Variants in CCDC187 observed in about 807,000 individuals in gnomAD.
CCDC187 encodes coiled-coil domain-containing protein 187.
In CCDC187, 32 loss-of-function variants were observed where a neutral mutation model predicts 38.0. The observed-to-expected ratio is 0.84, with a 90% CI of 0.64 to 1.13. The LOEUF is 1.13. Ranked by LOEUF, CCDC187 falls within the 50% of genes most tolerant of loss-of-function variation. The probability of loss-of-function intolerance (pLI) is 0.00; values close to 1 mark genes in which losing one functional copy is unlikely to be tolerated. For synonymous variants in CCDC187, 333 were observed against 347.9 expected (o/e 0.96, Z 0.48); for missense variants, 707 against 786.8 (o/e 0.90, Z 1.21).
In CCDC187 at chr9:136,293,242, CTCACAT is replaced by C. The variant is rs1201462908; in HGVS notation, c.833-953_833-948del. On this transcript the variant is annotated intron_variant, in intron 4 of 25. Coordinates refer to ENST00000638797, the MANE Select transcript of CCDC187 (RefSeq NM_001378188.1). ...ACACACTCACACTCACACGCTCACA[CTCACAT>C]GCTTACACACTCACTCATGCTTTCA... Among the ~76,000 whole-genome samples the C allele has an allele frequency of 2.7e-5, 4 of 145,984 alleles. 1 individual carries two copies. Among genetic ancestry groups the C allele is most frequent in the Admixed American group, 6.7e-5 (1 of 14,874 alleles).
chr9:136,278,857 G>A (rs1830982995), intron 10 of CCDC187, among the ~76,000 whole-genome samples: 1 of 152,252 alleles, frequency 6.6e-6, no homozygotes, highest in African/African-American at 2.4e-5. Context: ...ACATTTCATG[G>A]CTTGACAGCC....
intron 7 of CCDC187, among the ~76,000 whole-genome samples, 194 bp from the exon 8 acceptor site, chr9:136,286,889 G>A (rs1831195491): frequency 6.6e-6 from 1 of 152,238 alleles, no homozygotes; most frequent in Admixed American, 6.5e-5. Flanking sequence ...AACAGGGCCA[G>A]GCGTGAGCGA....
intron 2 of CCDC187, among the ~76,000 whole-genome samples, chr9:136,301,834 C>T (rs1048241729): frequency 3.3e-5 from 5 of 151,994 alleles, no homozygotes; most frequent in African/African-American, 7.2e-5. Context: ...GTGATCTGCC[C>T]GCCTCAGCTT....
rs1181707760 is a variant in CCDC187, at chr9:136,300,078, T to TC, written c.724+141dup. 1,779 of 395,534 alleles carry TC rather than the reference T, an allele frequency of 4.5e-3. 20 individuals are homozygous for TC. Among genetic ancestry groups the TC allele is most frequent in the Middle Eastern group, 0.024 (38 of 1,578 alleles). The allele number at this position is 395,534 out of a possible 1,614,324, so 24.5% of individuals were successfully genotyped here. ...CAGAGAATGGCAGTCTGGCTCCAAA[T>TC]CCCCCCTTGGCCTCTTTCCAGTTGG... On this transcript the variant is annotated intron_variant, in intron 3 of 25. Coordinates refer to ENST00000638797, the MANE Select transcript of CCDC187 (RefSeq NM_001378188.1).
At chr9:136,271,541 TGAA>T (rs1426047647) in intron 14 of CCDC187, among the ~76,000 whole-genome samples, 1 of 150,218 alleles carries the variant, frequency 6.7e-6, no homozygotes, top group African/African-American at 2.5e-5. Flanking sequence ...AATTAAAAAA[TGAA>T]GAATAACAAT....
At chr9:136,259,082 G>T in intron 21 of CCDC187, 81 bp from the exon 22 acceptor site, 1 of 947,586 alleles carries the variant, frequency 1.1e-6, no homozygotes, top group Non-Finnish European at 1.3e-6. Flanking sequence ...CAGGATGGAT[G>T]GGGACAGATG....
upstream of CCDC187, chr9:136,306,831 TGG>T (rs1201128670): frequency 6.6e-6 from 1 of 152,144 alleles, no homozygotes; most frequent in African/African-American, 2.4e-5. Context: ...CCAGCAACGG[TGG>T]GGCCCAGAGG....
intron 14 of CCDC187, among the ~76,000 whole-genome samples, chr9:136,274,384 TG>T (rs1830891515): frequency 6.6e-6 from 1 of 152,176 alleles, no homozygotes; most frequent in Non-Finnish European, 1.5e-5. Context: ...CAAGGCTGGG[TG>T]GGTGGAGATG....
Position 136,303,067 on chromosome 9 carries a change from C to A in CCDC187, c.370G>T (p.Gly124Cys), listed in dbSNP as rs1253077453. The A allele has an allele frequency of 2.5e-6, 1 of 398,566 alleles. No homozygotes were observed. Among genetic ancestry groups the A allele is most frequent in the Non-Finnish European group, 4.4e-6 (1 of 226,108 alleles). The allele number at this position is 398,566 out of a possible 1,614,324, so 24.7% of individuals were successfully genotyped here. The change falls in exon 2 of 26, where the codon GGC (glycine) becomes TGC (cysteine). Residue 124 changes from glycine (G) to cysteine (C), a missense_variant. Physicochemically the swap from Gly to Cys is radical, Grantham distance 159. Coordinates refer to ENST00000638797, the MANE Select transcript of CCDC187 (RefSeq NM_001378188.1). ...TTCCAAGACACACACACGTCGTGGC[C>A]CCCCGAAGAGCACGAGAGGCGGCCC... ...SSGRLSCSSG[G>C]HDVCVSWKER...
chr9:136,286,284 G>C lies in CCDC187; in HGVS notation c.2634C>G (p.Pro878=), dbSNP rs1352168361. 1 of 398,548 alleles carries C rather than the reference G, an allele frequency of 2.5e-6. No homozygotes were observed. The highest frequency in any genetic ancestry group is 4.4e-6 in the Non-Finnish European group (1 of 226,114). The allele number at this position is 398,548 out of a possible 1,614,324, so 24.7% of individuals were successfully genotyped here. A position where few individuals can be genotyped will look rare whatever the true frequency, so the allele number is the denominator to read the frequency against. Residue 878 remains proline, a synonymous_variant, in exon 8 of 26, where the codon CCC becomes CCG. Transcript: ENST00000638797. Reference sequence around the variant, plus strand: ...CAGGGCAGGCTGGGGTGGCAAGCGTGGGGGTGGCGAGCGTGGGGGCGGCAG... The same window carrying C: ...CAGGGCAGGCTGGGGTGGCAAGCGTCGGGGTGGCGAGCGTGGGGGCGGCAG... ...SLPAAPTLAT[P]TLATPACPGA...
At position 136,292,267 on chromosome 9, in the gene CCDC187, C is replaced by G. The variant is rs1831351154; in HGVS notation, c.861G>C (p.Trp287Cys). ...EDSELVGVYA[W>C]RKGQALVRSL... ...ACCTCACCAGAGCTTGTCCCTTTCT[C>G]CAGGCGTAAACACCAACCAGCTCCG... Residue 287 changes from tryptophan (W) to cysteine (C), a missense_variant, in exon 5 of 26, where the codon TGG becomes TGC. Trp to Cys is a radical substitution (Grantham distance 215). Coordinates refer to ENST00000638797, the MANE Select transcript of CCDC187 (RefSeq NM_001378188.1). 2.5e-6 allele frequency: 1 copy of G among 398,790 alleles called. No individual in the cohort carries two copies. Among genetic ancestry groups the G allele is most frequent in the Non-Finnish European group, 4.4e-6 (1 of 226,178 alleles). The allele number at this position is 398,790 out of a possible 1,614,324, so 24.7% of individuals were successfully genotyped here. A position where few individuals can be genotyped will look rare whatever the true frequency, so the allele number is the denominator to read the frequency against.
chr9:136,299,619 G>T (rs938726232), intron 3 of CCDC187, among the ~76,000 whole-genome samples: 325 of 152,270 alleles, frequency 2.1e-3, no homozygotes, highest in African/African-American at 7.5e-3. Context: ...GGCTCCCATT[G>T]CCCGGGATGA....
chr9:136,281,534 C>A lies in CCDC187; in HGVS notation c.3040+17G>T, dbSNP rs1028883953. On this transcript the variant is annotated intron_variant, in intron 10 of 25. Transcript: ENST00000638797. ...CCGACCAGCCAGCCCAGGGCCTGTC[C>A]GCAGGGTCGCCCTTACCGCAGCTCC... 128 of 398,622 alleles carry A rather than the reference C, an allele frequency of 3.2e-4. No homozygotes were observed. In the South Asian group the frequency reaches 3.9e-3, roughly 12 times the overall value. The allele number at this position is 398,622 out of a possible 1,614,324, so 24.7% of individuals were successfully genotyped here.
intron 19 of CCDC187, among the ~76,000 whole-genome samples, chr9:136,262,046 G>C (rs1300644596): frequency 6.6e-6 from 1 of 152,382 alleles, no homozygotes; most frequent in East Asian, 1.9e-4. Flanking sequence ...GGACAGTCCA[G>C]GCAGAGCCCT....
rs1304947065 is a variant in CCDC187, at chr9:136,294,106, ACACT to A, written c.833-1815_833-1812del. ...CATATACACACGCCCTCAAGTGCTC[ACACT>A]CACACACTCTCACACTCATACACAC... On this transcript the variant is annotated intron_variant, in intron 4 of 25. Coordinates refer to ENST00000638797, the MANE Select transcript of CCDC187 (RefSeq NM_001378188.1). Among the ~76,000 whole-genome samples the A allele has an allele frequency of 1.4e-3, 136 of 94,808 alleles. 1 individual carries two copies. The East Asian group carries it at 0.024, about 17-fold the overall frequency. 62.2% of individuals were successfully genotyped at this position (94,808 alleles called of 152,430 possible). A position where few individuals can be genotyped will look rare whatever the true frequency, so the allele number is the denominator to read the frequency against.
intron 25 of CCDC187, among the ~76,000 whole-genome samples, 192 bp downstream of exon 25, chr9:136,255,465 T>A (rs1281071406): frequency 1.3e-5 from 2 of 152,176 alleles, no homozygotes; most frequent in Non-Finnish European, 2.9e-5. Flanking sequence ...AGACAGAGGA[T>A]CCCTGACCGT....
intron 16 of CCDC187, chr9:136,266,584 G>A (rs782252180): frequency 2.0e-5 from 3 of 152,284 alleles, no homozygotes; most frequent in East Asian, 1.9e-4. Flanking sequence ...ATGGCAAAAC[G>A]TTGGAGACAA....
At chr9:136,287,611 A>G (rs1465232279) in intron 7 of CCDC187, among the ~76,000 whole-genome samples, 2 of 152,168 alleles carry the variant, frequency 1.3e-5, no homozygotes, top group African/African-American at 4.8e-5. Context: ...GCGGCACCCA[A>G]TTAAAGCCTC....
At position 136,264,648 on chromosome 9, in the gene CCDC187, G is replaced by A. The variant is rs1830723616; in HGVS notation, c.3736-850C>T. Among the ~76,000 whole-genome samples, 1 of 152,130 alleles carries A rather than the reference G, an allele frequency of 6.6e-6. No individual in the cohort carries two copies. The highest frequency in any genetic ancestry group is 1.5e-5 in the Non-Finnish European group (1 of 67,998). ...CACCCCAGGTCGTAGTATGTACAGG[G>A]CATCCAGGGCAGGGATGGGGATCCC... On this transcript the variant is annotated intron_variant, in intron 17 of 25. Coordinates refer to ENST00000638797, the MANE Select transcript of CCDC187 (RefSeq NM_001378188.1). The surrounding 1 kb of genome is among the most constrained non-coding windows in gnomAD (Gnocchi z 4.3).
Sources: allele counts gnomAD v4.1 joint callset (sites outside exome capture counted in the v4.1 genomes callset), GRCh38; gene constraint gnomAD v4.1.1; non-coding constraint Gnocchi (gnomAD v3.1); transcripts MANE v1.5; gene names NCBI Gene and HGNC (gene_info 2026-07-23, HGNC 2026-07-21).